The following ZC3H7B variants were observed in gnomAD, a reference collection of about 807,000 sequenced individuals.
The protein encoded by ZC3H7B is zinc finger CCCH domain-containing protein 7B.
In ZC3H7B, 35 loss-of-function variants were observed where a neutral mutation model predicts 116.0. The observed-to-expected ratio is 0.30, with a 90% CI of 0.23 to 0.40. ZC3H7B has a LOEUF of 0.40. Among genes scored for constraint, ZC3H7B ranks in the 10% least tolerant of loss-of-function variants. The pLI is 1.00. For synonymous variants in ZC3H7B, 502 were observed against 545.6 expected, an observed-to-expected ratio of 0.92 and a Z score of 1.11; for missense variants, 1,011 against 1,321.5, an observed-to-expected ratio of 0.77 and a Z score of 3.64.
chr22:41,343,831 C>T (rs1459274007), intron 13 of ZC3H7B, among the ~76,000 whole-genome samples: 1 of 152,198 alleles, frequency 6.6e-6, no homozygotes, highest in Non-Finnish European at 1.5e-5. Flanking sequence ...CCGAGCCCGT[C>T]ACTGGCCTGT....
chr22:41,345,375 C>T (rs994801945), intron 13 of ZC3H7B, among the ~76,000 whole-genome samples: 19 of 152,024 alleles, frequency 1.2e-4, no homozygotes, highest in Non-Finnish European at 1.8e-4. Flanking sequence ...CACCTGAGGT[C>T]GGGAGTTTGA....
Position 41,321,829 on chromosome 22 carries a change from C to CTTTTTTTTTTTTTT in ZC3H7B, c.53+1131_53+1144dup, listed in dbSNP as rs199611879. The stretch of plus-strand genomic sequence containing the variant: ...GACCACAAAACTCAAAACTCACATT[C>CTTTTTTTTTTTTTT]TTTTTTTTTTTTTTTTTTTTTTTTT... On this transcript the variant is annotated intron_variant, in intron 2 of 22. Coordinates refer to ENST00000352645, the MANE Select transcript of ZC3H7B (RefSeq NM_017590.6). Among the ~76,000 whole-genome samples, 6 of 91,022 alleles carry CTTTTTTTTTTTTTT rather than the reference C, an allele frequency of 6.6e-5. 1 individual carries two copies. The highest frequency in any genetic ancestry group is 3.4e-4 in the African/African-American group (6 of 17,670). 59.7% of individuals were successfully genotyped at this position (91,022 alleles called of 152,430 possible). A position where few individuals can be genotyped will look rare whatever the true frequency, so the allele number is the denominator to read the frequency against.
At chr22:41,340,967 T>A (rs1046570525) in intron 10 of ZC3H7B, 121 bp from the exon 11 acceptor site, 8 of 880,498 alleles carry the variant, frequency 9.1e-6, no homozygotes, top group Admixed American at 2.3e-5. Flanking sequence ...TCAGCAGGAG[T>A]AGGAGAGGAT....
chr22:41,321,950 C>A (rs1198236451), intron 2 of ZC3H7B, among the ~76,000 whole-genome samples: 1 of 144,934 alleles, frequency 6.9e-6, no homozygotes, highest in Non-Finnish European at 1.5e-5. Flanking sequence ...CGCCATTCTC[C>A]TGCCTCAGCC....
chr22:41,327,563 G>C lies in ZC3H7B; in HGVS notation c.444+199G>C, dbSNP rs933845175. Among the ~76,000 whole-genome samples, 1 of 152,230 alleles carries C rather than the reference G, an allele frequency of 6.6e-6. No individual in the cohort carries two copies. ...GTGCCAGGCACTGCTAGGATGCATT[G>C]TGTGTATTAACTCACCTAATACTGG... On this transcript the variant is annotated intron_variant, in intron 5 of 22. Coordinates refer to ENST00000352645, the MANE Select transcript of ZC3H7B (RefSeq NM_017590.6). This position sits in a 1 kb window ranked among gnomAD's most constrained non-coding sequence, Gnocchi z 4.5.
At chr22:41,345,958 G>A (rs1264152260) in intron 13 of ZC3H7B, 45 bp from the exon 14 acceptor site, 1 of 1,603,506 alleles carries the variant, frequency 6.2e-7, no homozygotes, top group South Asian at 1.1e-5. Flanking sequence ...GCTGCGGGCT[G>A]CTATCCCCGC....
At position 41,332,196 on chromosome 22, in the gene ZC3H7B, G is replaced by T; in HGVS notation, c.551G>T (p.Ser184Ile). 1 of 1,614,230 alleles carries T rather than the reference G, an allele frequency of 6.2e-7. No homozygotes were observed. Among genetic ancestry groups the T allele is most frequent in the Non-Finnish European group, 8.5e-7 (1 of 1,180,038 alleles). Residue 184 changes from serine to isoleucine, a missense_variant, in exon 7 of 23, where the codon AGT (serine) becomes ATT (isoleucine). Coordinates refer to ENST00000352645, the MANE Select transcript of ZC3H7B (RefSeq NM_017590.6). ...PQELETFSLL[S>I]NGTAAGVADQ... Reference sequence around the variant, plus strand: ...GAATTGGAAACCTTTTCTCTGCTCAGTAACGGCACTGCGGCTGGCGTGGCA... The same window carrying T: ...GAATTGGAAACCTTTTCTCTGCTCATTAACGGCACTGCGGCTGGCGTGGCA...
At chr22:41,309,972 G>A (rs893181073) in intron 1 of ZC3H7B, among the ~76,000 whole-genome samples, 5 of 151,960 alleles carry the variant, frequency 3.3e-5, no homozygotes, top group Non-Finnish European at 5.9e-5. Flanking sequence ...TTGGGAGGCC[G>A]AGGTGAGCGG....
intron 1 of ZC3H7B, among the ~76,000 whole-genome samples, chr22:41,314,328 T>C (rs528776761): frequency 4.6e-5 from 7 of 151,662 alleles, no homozygotes; most frequent in Admixed American, 2.0e-4. Context: ...GGCTACTTTT[T>C]GTATTTTTAG....
Position 41,323,987 on chromosome 22 carries a change from G to A in ZC3H7B, c.54-1577G>A, listed in dbSNP as rs770098290. ...CTGGAGGCTGAGGCAGGAGAATGGC[G>A]TGAACCCGGGAGGTGGAGGTTGCAG... On this transcript the variant is annotated intron_variant, in intron 2 of 22. Transcript: ENST00000352645. 5.9e-5 allele frequency among the ~76,000 whole-genome samples: 9 copies of A among 152,178 alleles called. No individual in the cohort carries two copies. In the East Asian group the frequency reaches 9.7e-4, roughly 16 times the overall value.
intron 1 of ZC3H7B, among the ~76,000 whole-genome samples, chr22:41,305,116 G>T (rs1029611622): frequency 2.6e-5 from 4 of 152,212 alleles, no homozygotes; most frequent in African/African-American, 9.6e-5. Context: ...GGACGCCGGG[G>T]CGGGTGGATC....
At chr22:41,317,576 G>A (rs2036200362) in intron 1 of ZC3H7B, among the ~76,000 whole-genome samples, 1 of 151,756 alleles carries the variant, frequency 6.6e-6, no homozygotes, top group Admixed American at 6.6e-5. Context: ...GATTTCTTGA[G>A]CCCAGGAGTT....
At chr22:41,340,345 T>A (rs1038232544) in intron 10 of ZC3H7B, among the ~76,000 whole-genome samples, 1 of 151,840 alleles carries the variant, frequency 6.6e-6, no homozygotes, top group Non-Finnish European at 1.5e-5. Context: ...TTGTTCAAGA[T>A]CAAGCAGAGG....
Position 41,346,130 on chromosome 22 carries a change from G to T in ZC3H7B, c.1587G>T (p.Leu529=), listed in dbSNP as rs1368840198. The change falls in exon 14 of 23, where the codon CTG becomes CTT. Residue 529 remains leucine, a synonymous_variant. Coordinates refer to ENST00000352645, the MANE Select transcript of ZC3H7B (RefSeq NM_017590.6). This position sits in a 1 kb window ranked among gnomAD's most constrained non-coding sequence, Gnocchi z 5.3. The stretch of plus-strand genomic sequence containing the variant: ...ACCGCGACCTGCTCTTCGACCCGCT[G>T]GGGGGTGTTAAGCGCGGCAGCCTCA... The part of the protein sequence containing the change: ...TLNRDLLFDP[L]GGVKRGSLTI... 6.2e-7 allele frequency: 1 copy of T among 1,613,118 alleles called. No homozygotes were observed. The highest frequency in any genetic ancestry group is 8.5e-7 in the Non-Finnish European group (1 of 1,180,014).
chr22:41,356,201 C>T lies in ZC3H7B; in HGVS notation c.2383+139C>T, dbSNP rs1031022968. The stretch of plus-strand genomic sequence containing the variant: ...CTTCTCCACCTGCCCCATGCCGGGC[C>T]CTCTCTGAGGCCAGGCCCTGAGGCT... On this transcript the variant is annotated intron_variant, in intron 20 of 22. Coordinates refer to ENST00000352645, the MANE Select transcript of ZC3H7B (RefSeq NM_017590.6). 2.7e-6 allele frequency: 4 copies of T among 1,493,066 alleles called. No homozygotes were observed. The African/African-American group carries it at 4.2e-5, about 16-fold the overall frequency. 92.5% of individuals were successfully genotyped at this position (1,493,066 alleles called of 1,614,324 possible).
intron 6 of ZC3H7B, among the ~76,000 whole-genome samples, chr22:41,330,931 C>T (rs1476078510): frequency 5.0e-5 from 7 of 139,898 alleles, no homozygotes; most frequent in African/African-American, 1.6e-4. Flanking sequence ...TGCAGTGGCG[C>T]GATCTCAGCT....
chr22:41,341,179 A>G (rs748176905), intron 11 of ZC3H7B, 33 bp downstream of exon 11: 4 of 1,612,712 alleles, frequency 2.5e-6, no homozygotes, highest in Admixed American at 1.7e-5. Flanking sequence ...CAGGCCTCTC[A>G]TTCCCTGCTG....
chr22:41,337,416 C>G (rs1338886868), intron 7 of ZC3H7B, among the ~76,000 whole-genome samples: 1 of 152,126 alleles, frequency 6.6e-6, no homozygotes, highest in Non-Finnish European at 1.5e-5. Context: ...TCATTTCATC[C>G]TGATAGCCTT....
At chr22:41,312,439 G>GATAATAATA (rs1162596631) in intron 1 of ZC3H7B, among the ~76,000 whole-genome samples, 2 of 12,104 alleles carry the variant, frequency 1.7e-4, no homozygotes, top group South Asian at 2.4e-3. Context: ...CTGTCTTAAT[G>GATAATAATA]ATAATAATAA....
Sources: gnomAD v4.1 joint callset for allele counts (sites outside exome capture counted in the v4.1 genomes callset) on GRCh38, gnomAD v4.1.1 for gene constraint, Gnocchi (gnomAD v3.1) non-coding constraint, MANE v1.5 for transcripts, NCBI Gene and HGNC (gene_info 2026-07-23, HGNC 2026-07-21) for gene names.